The following COX10 variants were observed in gnomAD, a reference collection of about 807,000 sequenced individuals.
COX10 encodes cytochrome c oxidase assembly factor heme A:farnesyltransferase COX10, also known as protoheme IX farnesyltransferase, mitochondrial.
In COX10, 27 loss-of-function variants were observed where a neutral mutation model predicts 37.3. The ratio of observed to expected loss-of-function variants is 0.72; its 90% CI spans 0.53 to 1.00. COX10 has a LOEUF of 1.00. Among genes scored for constraint, COX10 ranks in the 50% least tolerant of loss-of-function variants. The pLI is 0.00. For missense variants in COX10, 475 were observed against 563.2 expected (o/e 0.84, Z 1.59); for synonymous variants, 222 against 229.1 (o/e 0.97, Z 0.28).
chr17:14,139,249 T>G (rs1195502137), intron 4 of COX10, among the ~76,000 whole-genome samples: 1 of 152,156 alleles, frequency 6.6e-6, no homozygotes, highest in East Asian at 1.9e-4. Context: ...TGCATGTCTG[T>G]TATAGTCATC....
chr17:14,088,468 C>G (rs1915460226), intron 3 of COX10, among the ~76,000 whole-genome samples: 1 of 152,016 alleles, frequency 6.6e-6, no homozygotes, highest in Non-Finnish European at 1.5e-5. Flanking sequence ...CTAGGCTACT[C>G]TGTTTTCTTA....
intron 5 of COX10, among the ~76,000 whole-genome samples, chr17:14,187,710 T>A (rs2855513): frequency 0.56 from 84,995 of 152,054 alleles, 24,037 homozygotes; most frequent in South Asian, 0.6. Context: ...ACAGTTTGCA[T>A]TTGGAGTACC....
chr17:14,094,707 A>G (rs1464861847), intron 3 of COX10, among the ~76,000 whole-genome samples: 1 of 152,242 alleles, frequency 6.6e-6, no homozygotes, highest in Non-Finnish European at 1.5e-5. Flanking sequence ...AAATTCTTTT[A>G]GCACTGCTTT....
intron 4 of COX10, among the ~76,000 whole-genome samples, chr17:14,111,248 C>T (rs1056190909): frequency 6.6e-6 from 1 of 152,022 alleles, no homozygotes; most frequent in Non-Finnish European, 1.5e-5. Context: ...TATTGTTGGG[C>T]AAGAAAGGGA....
chr17:14,206,380 AG>A (rs1361417504), intron 6 of COX10, among the ~76,000 whole-genome samples: 1 of 152,130 alleles, frequency 6.6e-6, no homozygotes, highest in Non-Finnish European at 1.5e-5. Context: ...TTGCACCCAG[AG>A]GTAGTACTGA....
At position 14,107,670 on chromosome 17, in the gene COX10, T is replaced by TACACAC. The variant is rs57092278; in HGVS notation, c.624+5447_624+5452dup. ...TACTGTCAGCCTAATTGTACTGTTT[T>TACACAC]ACACACACACACACACACACACACC... is the stretch of plus-strand genomic sequence containing the variant. On this transcript the variant is annotated intron_variant, in intron 4 of 6. Transcript: ENST00000261643. 1.4e-4 allele frequency among the ~76,000 whole-genome samples: 21 copies of TACACAC among 149,728 alleles called. No individual in the cohort carries two copies. In the East Asian group the frequency reaches 3.9e-3, roughly 28 times the overall value.
chr17:14,100,396 A>T (rs1243194185), intron 3 of COX10, among the ~76,000 whole-genome samples: 1 of 152,124 alleles, frequency 6.6e-6, no homozygotes, highest in African/African-American at 2.4e-5. Flanking sequence ...GAGGAGTCAG[A>T]GTGTAGTAAG....
At chr17:14,078,286 T>C (rs1036186124) in intron 3 of COX10, among the ~76,000 whole-genome samples, 2 of 152,168 alleles carry the variant, frequency 1.3e-5, no homozygotes, top group Admixed American at 1.3e-4. Context: ...GTTATGCTTA[T>C]AATGCTGCCA....
intron 5 of COX10, among the ~76,000 whole-genome samples, chr17:14,161,969 C>G (rs1157528614): frequency 1.3e-5 from 2 of 152,176 alleles, no homozygotes; most frequent in African/African-American, 4.8e-5. Flanking sequence ...CTGACTAATA[C>G]AGATTTGCCA....
chr17:14,162,244 A>G (rs1404172545), intron 5 of COX10, among the ~76,000 whole-genome samples: 2 of 152,250 alleles, frequency 1.3e-5, no homozygotes, highest in East Asian at 1.9e-4. Flanking sequence ...CTTTCAGAAT[A>G]CAAGTGTAAT....
At chr17:14,118,510 A>G (rs1361746831) in intron 4 of COX10, among the ~76,000 whole-genome samples, 1 of 152,208 alleles carries the variant, frequency 6.6e-6, no homozygotes, top group East Asian at 1.9e-4. Flanking sequence ...TAAAGTATAC[A>G]TCTTTGCACT....
chr17:14,159,255 G>A (rs970925198), intron 4 of COX10, among the ~76,000 whole-genome samples: 7 of 152,214 alleles, frequency 4.6e-5, no homozygotes, highest in East Asian at 1.9e-4. Context: ...TCTTAATTAC[G>A]TCAGCCCTGG....
At chr17:14,087,591 C>A (rs1915437709) in intron 3 of COX10, among the ~76,000 whole-genome samples, 1 of 151,972 alleles carries the variant, frequency 6.6e-6, no homozygotes, top group Non-Finnish European at 1.5e-5. Flanking sequence ...TAAGAGGAAC[C>A]AAGGCTATCA....
intron 5 of COX10, among the ~76,000 whole-genome samples, chr17:14,166,486 A>G (rs891640778): frequency 3.3e-5 from 5 of 152,146 alleles, no homozygotes; most frequent in Non-Finnish European, 5.9e-5. Flanking sequence ...TCAAAATATT[A>G]CTGCTTATTG....
At position 14,207,243 on chromosome 17, in the gene COX10, C is replaced by A; in HGVS notation, c.*30C>A. 1 of 1,544,184 alleles carries A rather than the reference C, an allele frequency of 6.5e-7. No individual in the cohort carries two copies. Among genetic ancestry groups the A allele is most frequent in the South Asian group, 1.2e-5 (1 of 83,262 alleles). The stretch of plus-strand genomic sequence containing the variant: ...ACTGGGACGCCCACCGCCCCTTTCC[C>A]TCCGCTGCCAGGCGAGCATGTTGTG... On this transcript the variant is annotated 3_prime_UTR_variant, in exon 7 of 7. Transcript: ENST00000261643.
At chr17:14,129,727 C>T (rs1182255545) in intron 4 of COX10, among the ~76,000 whole-genome samples, 3 of 152,092 alleles carry the variant, frequency 2.0e-5, no homozygotes, top group African/African-American at 4.8e-5. Flanking sequence ...GCTGTTTGTG[C>T]CTAACAAAAA....
At chr17:14,082,548 C>T (rs940949619) in intron 3 of COX10, among the ~76,000 whole-genome samples, 4 of 152,174 alleles carry the variant, frequency 2.6e-5, no homozygotes, top group Admixed American at 2.6e-4. Flanking sequence ...TTCTTGGCCA[C>T]ATCTTCCATT....
intron 6 of COX10, among the ~76,000 whole-genome samples, chr17:14,202,748 A>AC (rs926129291): frequency 8.5e-5 from 8 of 93,674 alleles, no homozygotes; most frequent in Non-Finnish European, 1.7e-4. Context: ...CTGTCTCTCG[A>AC]CCCCCAGCCT....
chr17:14,172,578 CTTTTTT>C (rs57560461), intron 5 of COX10, among the ~76,000 whole-genome samples: 1 of 105,632 alleles, frequency 9.5e-6, no homozygotes. Context: ...TTTTCTTTTT[CTTTTTT>C]TTTTTTTTTT....
Sources: gnomAD v4.1 joint callset for allele counts (sites outside exome capture counted in the v4.1 genomes callset) on GRCh38, gnomAD v4.1.1 for gene constraint, MANE v1.5 for transcripts, NCBI Gene and HGNC (gene_info 2026-07-23, HGNC 2026-07-21) for gene names.